The following MED23 variants were observed in gnomAD, a reference collection of about 807,000 sequenced individuals.
The protein encoded by MED23 is mediator of RNA polymerase II transcription subunit 23.
Under a neutral mutation model 163.9 loss-of-function variants are expected in MED23, and 105 were observed. That is an observed-to-expected ratio of 0.64 (90% CI 0.55 to 0.75). The LOEUF is 0.75. Among genes scored for constraint, MED23 ranks in the 30% least tolerant of loss-of-function variants. The probability of loss-of-function intolerance (pLI) is 0.00; values close to 1 mark genes in which losing one functional copy is unlikely to be tolerated. For synonymous variants in MED23, 561 were observed against 565.6 expected, an observed-to-expected ratio of 0.99 and a Z score of 0.12; for missense variants, 1,054 against 1,649.0, an observed-to-expected ratio of 0.64 and a Z score of 6.25.
At chr6:131,574,634 T>C (rs568142827) in intron 30 of MED23, among the ~76,000 whole-genome samples, 6 of 151,642 alleles carry the variant, frequency 4.0e-5, no homozygotes, top group East Asian at 1.9e-4. Context: ...AGTCATAGAG[T>C]AGAGAGGATA....
chr6:131,611,459 A>G (rs1776270390), intron 10 of MED23, among the ~76,000 whole-genome samples: 1 of 152,184 alleles, frequency 6.6e-6, no homozygotes, highest in African/African-American at 2.4e-5. Flanking sequence ...TTACAGGTTT[A>G]CAAATAGCAA....
intron 15 of MED23, 24 bp downstream of exon 15, chr6:131,604,151 TATA>T: frequency 1.2e-6 from 2 of 1,611,528 alleles, no homozygotes; most frequent in Non-Finnish European, 1.7e-6. Flanking sequence ...GGTTAATAGT[TATA>T]AACACCAGAA....
intron 10 of MED23, among the ~76,000 whole-genome samples, chr6:131,615,503 CAAAAAAAAAAAAAAAAA>C (rs917020235): frequency 9.2e-4 from 13 of 14,160 alleles, no homozygotes; most frequent in Non-Finnish European, 1.3e-3. Context: ...AAACACACAC[CAAAAAAAAAAAAAAAAA>C]AAAAAAAAAA....
chr6:131,594,265 G>A lies in MED23; in HGVS notation c.3066C>T (p.Leu1022=), dbSNP rs748579097. ...TGATCGCATGGACGAGTTTTCGTTT[G>A]AGAAATGCGCGGTCTCTCAGGTGCA... ...YEMHLRDRAF[L]KRKLVHAIIG... Residue 1022 remains leucine (L), a synonymous_variant, in exon 23 of 29, where the codon CTC becomes CTT. Transcript: ENST00000368068. 19 of 1,614,014 alleles carry A rather than the reference G, an allele frequency of 1.2e-5. No homozygotes were observed. Among genetic ancestry groups the A allele is most frequent in the African/African-American group, 2.7e-5 (2 of 74,918 alleles).
downstream of MED23, chr6:131,583,795 C>A (rs370022660): frequency 3.3e-5 from 54 of 1,614,030 alleles, no homozygotes; most frequent in African/African-American, 6.1e-4. Flanking sequence ...GGGGAAGACA[C>A]CAGAAGAAGT....
chr6:131,605,564 AT>A lies in MED23; in HGVS notation c.1368-80del, dbSNP rs1174843150. On this transcript the variant is annotated intron_variant, in intron 13 of 28. Transcript: ENST00000368068. ...TAATTTGTATTTTTTTAAAAGTTCAATTTTATGCAATTATTTATTAATGCTA... is the reference window on the plus strand; with the variant it reads ...TAATTTGTATTTTTTTAAAAGTTCAATTTATGCAATTATTTATTAATGCTA... 2.4e-6 allele frequency: 3 copies of A among 1,249,250 alleles called. No homozygotes were observed. In the African/African-American group the frequency reaches 4.6e-5, roughly 19 times the overall value. 77.4% of individuals were successfully genotyped at this position (1,249,250 alleles called of 1,614,324 possible). A position where few individuals can be genotyped will look rare whatever the true frequency, so the allele number is the denominator to read the frequency against.
At position 131,627,498 on chromosome 6, in the gene MED23, A is replaced by T. The variant is rs769093192; in HGVS notation, c.72-15T>A. On this transcript the variant is annotated splice_polypyrimidine_tract_variant and intron_variant, in intron 2 of 28. Coordinates refer to ENST00000368068, the MANE Select transcript of MED23 (RefSeq NM_004830.4). ...CCATAAACATGCTAAAAAAATAAAAATTACATTATTTGTCATTCGTTTTAA... is the reference window on the plus strand; with the variant it reads ...CCATAAACATGCTAAAAAAATAAAATTTACATTATTTGTCATTCGTTTTAA... The T allele has an allele frequency of 3.1e-6, 5 of 1,607,242 alleles. No homozygotes were observed. The highest frequency in any genetic ancestry group is 4.3e-6 in the Non-Finnish European group (5 of 1,174,032).
At chr6:131,608,618 C>T (rs555158004) in intron 11 of MED23, among the ~76,000 whole-genome samples, 1 of 152,196 alleles carries the variant, frequency 6.6e-6, no homozygotes, top group South Asian at 2.1e-4. Flanking sequence ...GTTTCCCAGG[C>T]TGGTCTCGAA....
Position 131,592,419 on chromosome 6 carries a change from T to C in MED23, c.3440A>G (p.Asn1147Ser). The C allele has an allele frequency of 6.2e-7, 1 of 1,614,072 alleles. No homozygotes were observed. The highest frequency in any genetic ancestry group is 8.5e-7 in the Non-Finnish European group (1 of 1,179,966). The change falls in exon 25 of 29, where the codon AAT becomes AGT. Residue 1147 changes from asparagine (N) to serine (S), a missense_variant. Asn to Ser is a conservative substitution (Grantham distance 46). Coordinates refer to ENST00000368068, the MANE Select transcript of MED23 (RefSeq NM_004830.4). The part of the protein sequence containing the change: ...VPRENITAWM[N>S]AIGLIITALP... Reference sequence around the variant, plus strand: ...GGCAGTGATGATCAAACCAATTGCATTCATCCATGCTGTAATGTTCTCTCT... The same window carrying C: ...GGCAGTGATGATCAAACCAATTGCACTCATCCATGCTGTAATGTTCTCTCT...
intron 3 of MED23, among the ~76,000 whole-genome samples, chr6:131,626,377 AG>A (rs1350159100): frequency 6.6e-6 from 1 of 152,062 alleles, no homozygotes; most frequent in Admixed American, 6.6e-5. Flanking sequence ...AAAAGGAGGA[AG>A]GTACAGCCAT....
At chr6:131,582,849 T>G (rs113212943), downstream of MED23, 5 of 819,350 alleles carry the variant, frequency 6.1e-6, no homozygotes, top group East Asian at 1.3e-4. Context: ...ACACATATAT[T>G]TATATACATG....
intron 15 of MED23, among the ~76,000 whole-genome samples, chr6:131,603,667 A>G (rs1418338258): frequency 6.6e-6 from 1 of 152,214 alleles, no homozygotes; most frequent in African/African-American, 2.4e-5. Context: ...AATTAAGACT[A>G]TGCTGTATTC....
intron 30 of MED23, chr6:131,579,087 T>C (rs1452086849): frequency 6.2e-7 from 1 of 1,612,920 alleles, no homozygotes; most frequent in African/African-American, 1.3e-5. Flanking sequence ...TTTAATTTAG[T>C]AACTCAAAAC....
Position 131,627,395 on chromosome 6 carries a change from C to T in MED23, c.159+1G>A. 6.2e-7 allele frequency: 1 copy of T among 1,611,358 alleles called. No individual in the cohort carries two copies. Among genetic ancestry groups the T allele is most frequent in the Non-Finnish European group, 8.5e-7 (1 of 1,178,924 alleles). ...GAATGTATTAAAAATGAAGCGCTCA[C>T]CTGAGAAAGACCACCCCAAAACTGT... On this transcript the variant is annotated splice_donor_variant, in intron 3 of 28. Transcript: ENST00000368068. LOFTEE classifies it high-confidence loss of function.
chr6:131,604,157 C>T (rs1383038813), intron 15 of MED23, 21 bp downstream of exon 15: 2 of 1,612,764 alleles, frequency 1.2e-6, no homozygotes, highest in Admixed American at 1.7e-5. Flanking sequence ...TAGTTATAAA[C>T]ACCAGAAAGT....
At chr6:131,596,288 ATACTT>A (rs1372414817) in intron 21 of MED23, 125 bp from the exon 22 acceptor site, 2 of 952,004 alleles carry the variant, frequency 2.1e-6, no homozygotes, top group Middle Eastern at 2.7e-4. Context: ...ATACTTGATT[ATACTT>A]TACTTCTTTT....
chr6:131,596,408 T>A, intron 21 of MED23, 110 bp downstream of exon 21: 2 of 1,260,546 alleles, frequency 1.6e-6, no homozygotes, highest in Admixed American at 3.5e-5. Flanking sequence ...TACTTCTATA[T>A]AGACAAGAGA....
downstream of MED23, chr6:131,583,559 G>T: frequency 6.9e-7 from 1 of 1,457,436 alleles, no homozygotes; most frequent in South Asian, 1.2e-5. Context: ...ATACCTCCTT[G>T]ACCTGAAACC....
intron 27 of MED23, 104 bp downstream of exon 27, chr6:131,590,217 CA>C: frequency 9.3e-7 from 1 of 1,077,038 alleles, no homozygotes; most frequent in Non-Finnish European, 1.4e-6. Flanking sequence ...AAACTAGTTT[CA>C]CTACTAATGG....
Sources: gnomAD v4.1 joint callset for allele counts (sites outside exome capture counted in the v4.1 genomes callset) on GRCh38, gnomAD v4.1.1 for gene constraint, MANE v1.5 for transcripts, NCBI Gene and HGNC (gene_info 2026-07-23, HGNC 2026-07-21) for gene names.